Variants in RBFOX1 observed in about 807,000 individuals in gnomAD.
RBFOX1 encodes RNA binding protein fox-1 homolog 1.
A neutral mutation model predicts 57.7 loss-of-function variants in RBFOX1; 8 were observed. That is an observed-to-expected ratio of 0.14 (90% CI 0.08 to 0.25). The LOEUF is 0.25. Among genes scored for constraint, RBFOX1 ranks in the 10% least tolerant of loss-of-function variants. The pLI is 1.00. For missense variants in RBFOX1, 611 were observed against 548.5 expected (o/e 1.11, Z -1.14); for synonymous variants, 326 against 222.4 (o/e 1.47, Z -4.15).
rs377665319 is a variant in RBFOX1 at position 6,245,212 on chromosome 16, T to A, written c.-126-71783T>A. 3.0e-4 allele frequency among the ~76,000 whole-genome samples: 45 copies of A among 152,284 alleles called. 1 individual carries two copies. The highest frequency in any genetic ancestry group is 1.0e-3 in the African/African-American group (43 of 41,574). On this transcript the variant is annotated intron_variant, in intron 1 of 15. Coordinates refer to ENST00000550418, the MANE Select transcript of RBFOX1 (RefSeq NM_018723.4). ...CCTCTATTTCTTTGTAAGCAAGTCA[T>A]GTGGGTTCATGAATATAAGCAGAAA...
At chr16:6,653,195 A>G (rs998970463) in intron 2 of RBFOX1, among the ~76,000 whole-genome samples, 3 of 152,146 alleles carry the variant, frequency 2.0e-5, no homozygotes, top group Non-Finnish European at 4.4e-5. Flanking sequence ...CAAAAAAATC[A>G]ACATCAACAT....
At chr16:7,034,160 G>C (rs79717733) in intron 3 of RBFOX1, among the ~76,000 whole-genome samples, 6 of 152,220 alleles carry the variant, frequency 3.9e-5, no homozygotes, top group African/African-American at 1.2e-4. Flanking sequence ...GCTGGTTCTG[G>C]ATTCAAATAG....
chr16:7,100,967 A>G (rs1392237811), intron 4 of RBFOX1, among the ~76,000 whole-genome samples: 4 of 152,222 alleles, frequency 2.6e-5, no homozygotes, highest in Non-Finnish European at 4.4e-5. Flanking sequence ...AGCCTCATCA[A>G]GGATTATTTT....
chr16:7,225,810 G>A (rs2093063075), intron 4 of RBFOX1, among the ~76,000 whole-genome samples: 3 of 147,402 alleles, frequency 2.0e-5, no homozygotes, highest in South Asian at 4.3e-4. Flanking sequence ...TGTAAATGAC[G>A]AGTTAATGGG....
chr16:7,708,666 A>G (rs1004954817), intron 14 of RBFOX1, among the ~76,000 whole-genome samples: 1 of 152,198 alleles, frequency 6.6e-6, no homozygotes, highest in East Asian at 1.9e-4. Flanking sequence ...ATCAGGAGAA[A>G]AAGGCACTCT....
intron 4 of RBFOX1, among the ~76,000 whole-genome samples, chr16:7,241,874 A>G (rs1377705575): frequency 6.6e-6 from 1 of 152,096 alleles, no homozygotes; most frequent in East Asian, 1.9e-4. Flanking sequence ...ATATGCATAT[A>G]AATATACTTA....
At chr16:5,827,720 A>G (rs2056115052) in intron 3 of RBFOX1, among the ~76,000 whole-genome samples, 1 of 152,124 alleles carries the variant, frequency 6.6e-6, no homozygotes, top group Non-Finnish European at 1.5e-5. Context: ...CCTAATTCTA[A>G]GTCCCCTTGC....
intron 2 of RBFOX1, among the ~76,000 whole-genome samples, chr16:5,572,680 C>G (rs181022153): frequency 3.9e-5 from 6 of 152,170 alleles, no homozygotes; most frequent in Non-Finnish European, 7.4e-5. Context: ...GAGAGGAATC[C>G]TTGAAGAGTA....
intron 2 of RBFOX1, among the ~76,000 whole-genome samples, chr16:6,500,027 T>A (rs1200005333): frequency 1.3e-5 from 2 of 152,138 alleles, no homozygotes; most frequent in Non-Finnish European, 2.9e-5. Flanking sequence ...TATCACTGAA[T>A]TAGCACAATG....
intron 4 of RBFOX1, among the ~76,000 whole-genome samples, chr16:7,391,767 C>G (rs2098028694): frequency 6.6e-6 from 1 of 152,110 alleles, no homozygotes; most frequent in African/African-American, 2.4e-5. Flanking sequence ...ATACAGTAGG[C>G]TTTTAACAGT....
intron 2 of RBFOX1, among the ~76,000 whole-genome samples, chr16:6,345,497 C>G (rs1485400993): frequency 1.3e-5 from 2 of 152,144 alleles, no homozygotes; most frequent in Non-Finnish European, 2.9e-5. Flanking sequence ...TGCTTCTCCC[C>G]CAGCCCTGTT....
chr16:7,656,290 A>G (rs1026436677), intron 12 of RBFOX1, among the ~76,000 whole-genome samples: 3 of 152,180 alleles, frequency 2.0e-5, no homozygotes, highest in Non-Finnish European at 4.4e-5. Flanking sequence ...ACTCCTGGGA[A>G]TGAATTGGCA....
intron 2 of RBFOX1, among the ~76,000 whole-genome samples, chr16:6,383,110 G>A (rs576128955): frequency 3.3e-5 from 5 of 152,140 alleles, no homozygotes; most frequent in Non-Finnish European, 5.9e-5. Flanking sequence ...AAATTCTCAT[G>A]CTTTCTCCAA....
intron 3 of RBFOX1, among the ~76,000 whole-genome samples, chr16:6,900,633 C>T (rs140996275): frequency 5.6e-4 from 86 of 152,278 alleles, no homozygotes; most frequent in African/African-American, 1.9e-3. Flanking sequence ...ATTCCCTCTG[C>T]CTGGAATTCT....
rs373031549 is a variant in RBFOX1 at position 6,928,991 on chromosome 16, C to T, written c.-15-123066C>T. Among the ~76,000 whole-genome samples the T allele has an allele frequency of 4.6e-5, 7 of 152,252 alleles. No homozygotes were observed. In the East Asian group the frequency reaches 1.2e-3, roughly 25 times the overall value. On this transcript the variant is annotated intron_variant, in intron 3 of 15. Transcript: ENST00000550418. ...GAAGTAAAGATGTTCACGGTGCAAG[C>T]GTCATTCACAGACACGCATGCTTGA... is the stretch of plus-strand genomic sequence containing the variant.
At chr16:5,895,075 C>A (rs765287476) in intron 4 of RBFOX1, among the ~76,000 whole-genome samples, 1 of 150,078 alleles carries the variant, frequency 6.7e-6, no homozygotes, top group South Asian at 2.1e-4. Flanking sequence ...AAGTACTGAA[C>A]TCTGAGAGAG....
chr16:6,849,046 C>T (rs1242603572), intron 3 of RBFOX1, among the ~76,000 whole-genome samples: 1 of 152,198 alleles, frequency 6.6e-6, no homozygotes, highest in Admixed American at 6.5e-5. Context: ...GTCCCTGAAC[C>T]TGCAGATTTA....
intron 3 of RBFOX1, among the ~76,000 whole-genome samples, chr16:6,735,538 CTT>C (rs2069973897): frequency 6.6e-6 from 1 of 152,176 alleles, no homozygotes; most frequent in Non-Finnish European, 1.5e-5. Context: ...ACTGTTGTGT[CTT>C]TTAACTATTT....
intron 4 of RBFOX1, among the ~76,000 whole-genome samples, chr16:7,423,333 A>C (rs766730301): frequency 1.3e-5 from 2 of 152,038 alleles, no homozygotes; most frequent in Non-Finnish European, 2.9e-5. Flanking sequence ...CAAAGAGTGC[A>C]TCTTGCAAAA....
Sources: allele counts gnomAD v4.1 joint callset (sites outside exome capture counted in the v4.1 genomes callset), GRCh38; gene constraint gnomAD v4.1.1; transcripts MANE v1.5; gene names NCBI Gene and HGNC (gene_info 2026-07-23, HGNC 2026-07-21).